DGKI: variants seen among roughly 807,000 people sequenced by gnomAD.
DGKI encodes the protein diacylglycerol kinase iota.
DGKI carries 55 observed loss-of-function variants against 147.5 expected under a neutral mutation model. The observed-to-expected ratio is 0.37, with a 90% CI of 0.30 to 0.47. The LOEUF (loss-of-function observed/expected upper bound fraction) is 0.47, where lower values mean the gene tolerates loss of function less well. DGKI is among the 20% of genes least tolerant of loss of function. The probability of loss-of-function intolerance (pLI) is 1.00; values close to 1 mark genes in which losing one functional copy is unlikely to be tolerated. For missense variants in DGKI, 1,007 were observed against 1,323.8 expected, an observed-to-expected ratio of 0.76 and a Z score of 3.71; for synonymous variants, 469 against 477.1, an observed-to-expected ratio of 0.98 and a Z score of 0.22.
chr7:137,754,355 A>G (rs1423055078), intron 1 of DGKI, among the ~76,000 whole-genome samples: 1 of 152,098 alleles, frequency 6.6e-6, no homozygotes, highest in Admixed American at 6.6e-5. Context: ...CTGGAGGGAG[A>G]TCACATCTTC....
chr7:137,537,371 C>T (rs1320312942), intron 20 of DGKI, among the ~76,000 whole-genome samples: 1 of 152,186 alleles, frequency 6.6e-6, no homozygotes, highest in Non-Finnish European at 1.5e-5. Flanking sequence ...GCAATTCTCT[C>T]CTGTTCTTCC....
intron 1 of DGKI, among the ~76,000 whole-genome samples, chr7:137,762,934 C>G (rs561381390): frequency 2.6e-5 from 4 of 152,296 alleles, no homozygotes; most frequent in African/African-American, 9.6e-5. Flanking sequence ...GCTCCATTGT[C>G]CAGCTATTCA....
At chr7:137,559,908 G>A (rs1818360188) in intron 19 of DGKI, among the ~76,000 whole-genome samples, 1 of 152,110 alleles carries the variant, frequency 6.6e-6, no homozygotes. Flanking sequence ...ATGGAGCAAT[G>A]GAATAAAATA....
chr7:137,475,277 G>A (rs1815130583), intron 23 of DGKI, among the ~76,000 whole-genome samples: 1 of 152,138 alleles, frequency 6.6e-6, no homozygotes, highest in Admixed American at 6.5e-5. Flanking sequence ...TTTAAACAAA[G>A]GCTGAAATCA....
chr7:137,833,813 G>A (rs1798288106), intron 1 of DGKI, among the ~76,000 whole-genome samples: 1 of 152,190 alleles, frequency 6.6e-6, no homozygotes, highest in Non-Finnish European at 1.5e-5. Flanking sequence ...GGTTACCATG[G>A]TGGAGAGCCA....
chr7:137,392,150 T>A (rs933793085), intron 32 of DGKI, among the ~76,000 whole-genome samples: 9 of 152,206 alleles, frequency 5.9e-5, no homozygotes, highest in African/African-American at 2.2e-4. Context: ...ATTTTTTACA[T>A]CAACATGTTA....
At chr7:137,703,284 A>G (rs1824048234) in intron 1 of DGKI, among the ~76,000 whole-genome samples, 1 of 152,192 alleles carries the variant, frequency 6.6e-6, no homozygotes, top group Non-Finnish European at 1.5e-5. Flanking sequence ...CTATCACGAG[A>G]ACAGCAAAGA....
chr7:137,803,096 G>C (rs909061539), intron 1 of DGKI, among the ~76,000 whole-genome samples: 1 of 152,196 alleles, frequency 6.6e-6, no homozygotes. Flanking sequence ...ATTAAGGAAA[G>C]ATCCATAAAT....
intron 27 of DGKI, among the ~76,000 whole-genome samples, chr7:137,450,189 G>A (rs926446542): frequency 2.6e-5 from 4 of 152,132 alleles, no homozygotes; most frequent in Admixed American, 6.5e-5. Context: ...CAGTTAGATA[G>A]GAAGAATAGT....
intron 1 of DGKI, among the ~76,000 whole-genome samples, chr7:137,752,418 C>T (rs1044326547): frequency 5.9e-5 from 9 of 152,086 alleles, no homozygotes; most frequent in Admixed American, 3.3e-4. Flanking sequence ...TACGGAATTC[C>T]GCTAAGGGAG....
chr7:137,400,037 C>T (rs1245659312), intron 30 of DGKI, among the ~76,000 whole-genome samples: 5 of 152,186 alleles, frequency 3.3e-5, no homozygotes, highest in Non-Finnish European at 5.9e-5. Flanking sequence ...TGTCCTGATA[C>T]AGCAGGTCAC....
chr7:137,743,013 C>T (rs949528811), intron 1 of DGKI, among the ~76,000 whole-genome samples: 2 of 152,048 alleles, frequency 1.3e-5, no homozygotes, highest in Admixed American at 1.3e-4. Flanking sequence ...TTTAAACCAA[C>T]AAGAGTAAAA....
intron 6 of DGKI, among the ~76,000 whole-genome samples, chr7:137,627,772 GAT>G (rs1215816726): frequency 6.6e-6 from 1 of 152,184 alleles, no homozygotes; most frequent in Non-Finnish European, 1.5e-5. Context: ...TCTCCACTTA[GAT>G]ATCAGATGGC....
At chr7:137,559,446 A>G (rs576006600) in intron 19 of DGKI, among the ~76,000 whole-genome samples, 205 of 152,160 alleles carry the variant, frequency 1.3e-3, no homozygotes, top group Admixed American at 2.4e-3. Flanking sequence ...TTCCTTGACT[A>G]TATAAGTGAT....
chr7:137,658,967 ATT>A (rs1392749505), intron 3 of DGKI, among the ~76,000 whole-genome samples: 2 of 152,214 alleles, frequency 1.3e-5, no homozygotes, highest in Non-Finnish European at 2.9e-5. Flanking sequence ...AACTATATTG[ATT>A]TTTAAAAGAT....
intron 1 of DGKI, among the ~76,000 whole-genome samples, chr7:137,811,364 C>CCTCTCT (rs879359264): frequency 2.9e-5 from 4 of 137,728 alleles, no homozygotes; most frequent in Admixed American, 7.4e-5. Context: ...TCTCTCTCTC[C>CCTCTCT]CTCTCTCTCT....
intron 1 of DGKI, among the ~76,000 whole-genome samples, chr7:137,749,896 T>A: frequency 6.6e-6 from 1 of 152,078 alleles, no homozygotes; most frequent in East Asian, 1.9e-4. Flanking sequence ...CTCTCCCTGG[T>A]GTGGATAAGC....
At chr7:137,663,493 C>T (rs936136149) in intron 3 of DGKI, among the ~76,000 whole-genome samples, 5 of 152,218 alleles carry the variant, frequency 3.3e-5, no homozygotes, top group Admixed American at 6.5e-5. Context: ...TAGGCACCGA[C>T]GCCTCTGAAA....
intron 2 of DGKI, among the ~76,000 whole-genome samples, chr7:137,681,554 T>G (rs183866314): frequency 1.1e-4 from 17 of 152,348 alleles, no homozygotes; most frequent in African/African-American, 4.1e-4. Context: ...ATTCTTTAAT[T>G]TATTCAACAA....
Sources: allele counts gnomAD v4.1 joint callset (sites outside exome capture counted in the v4.1 genomes callset), GRCh38; gene constraint gnomAD v4.1.1; transcripts MANE v1.5; gene names NCBI Gene and HGNC (gene_info 2026-07-23, HGNC 2026-07-21).